The following PLCB1 variants were observed in gnomAD, a reference collection of about 807,000 sequenced individuals.
The protein encoded by PLCB1 is phospholipase C beta 1, also known as 1-phosphatidylinositol 4,5-bisphosphate phosphodiesterase beta-1.
PLCB1 carries 46 observed loss-of-function variants against 161.8 expected under a neutral mutation model. That is an observed-to-expected ratio of 0.28 (90% CI 0.22 to 0.36). PLCB1 has a LOEUF of 0.36. Among genes scored for constraint, PLCB1 ranks in the 10% least tolerant of loss-of-function variants. The probability of loss-of-function intolerance (pLI) is 1.00; values close to 1 mark genes in which losing one functional copy is unlikely to be tolerated. For synonymous variants in PLCB1, 517 were observed against 503.7 expected (o/e 1.03, Z -0.35); for missense variants, 1,016 against 1,472.5 (o/e 0.69, Z 5.07).
At chr20:8,539,653 T>TTTCTTTCC (rs1985212619) in intron 3 of PLCB1, among the ~76,000 whole-genome samples, 1 of 91,614 alleles carries the variant, frequency 1.1e-5, no homozygotes, top group African/African-American at 4.7e-5. Flanking sequence ...TCTTTCTTTC[T>TTTCTTTCC]TTCTTTCTTT....
chr20:8,197,640 C>T (rs2052039931), intron 2 of PLCB1, among the ~76,000 whole-genome samples: 1 of 152,106 alleles, frequency 6.6e-6, no homozygotes, highest in Non-Finnish European at 1.5e-5. Flanking sequence ...GTTTCTTTTG[C>T]TGTGCAGAAA....
chr20:8,446,824 C>T (rs6055823), intron 3 of PLCB1, among the ~76,000 whole-genome samples: 3,065 of 152,010 alleles, frequency 0.02, 108 homozygotes, highest in African/African-American at 0.07. Context: ...TGATGACTTA[C>T]TTTTTTTTCT....
In PLCB1 at chr20:8,302,430, G is replaced by A. The variant is rs984963150; in HGVS notation, c.178-68952G>A. 3.3e-5 allele frequency among the ~76,000 whole-genome samples: 5 copies of A among 152,210 alleles called. No homozygotes were observed. In the South Asian group the frequency reaches 1.0e-3, roughly 32 times the overall value. ...ACTTGATAATGTGGCCCAAATAGGG[G>A]GCCAATTTCATTCTGCTATGAGTCC... On this transcript the variant is annotated intron_variant, in intron 2 of 31. Coordinates refer to ENST00000338037, the MANE Select transcript of PLCB1 (RefSeq NM_015192.4).
chr20:8,233,921 C>G (rs1980193865), intron 2 of PLCB1, among the ~76,000 whole-genome samples: 1 of 152,184 alleles, frequency 6.6e-6, no homozygotes, highest in Non-Finnish European at 1.5e-5. Flanking sequence ...GATTGTAATC[C>G]TCATTGCTGT....
chr20:8,197,942 T>G (rs371423193), intron 2 of PLCB1, among the ~76,000 whole-genome samples: 1 of 152,330 alleles, frequency 6.6e-6, no homozygotes, highest in South Asian at 2.1e-4. Context: ...CTTGTTTTTG[T>G]CAGGTTTGTC....
chr20:8,385,133 A>C (rs545886559), intron 3 of PLCB1, among the ~76,000 whole-genome samples: 1 of 152,314 alleles, frequency 6.6e-6, no homozygotes, highest in South Asian at 2.1e-4. Context: ...CCAGGATGAA[A>C]GGCTAAGTCT....
At chr20:8,609,496 C>T (rs113147943) in intron 3 of PLCB1, among the ~76,000 whole-genome samples, 2,942 of 152,274 alleles carry the variant, frequency 0.019, 33 homozygotes, top group South Asian at 0.044. Flanking sequence ...CTGGCTCCAA[C>T]GCATCTATCT....
chr20:8,773,623 G>A (rs972862446), intron 26 of PLCB1, among the ~76,000 whole-genome samples: 1 of 152,164 alleles, frequency 6.6e-6, no homozygotes, highest in Non-Finnish European at 1.5e-5. Context: ...AGATATCAGT[G>A]AAGTTGGTGA....
chr20:8,781,679 G>A lies in PLCB1; in HGVS notation c.3112-6770G>A, dbSNP rs769112922. Among the ~76,000 whole-genome samples, 4 of 152,162 alleles carry A rather than the reference G, an allele frequency of 2.6e-5. No individual in the cohort carries two copies. In the South Asian group the frequency reaches 8.3e-4, roughly 31 times the overall value. ...GGGCAATTTATACCCAAACTGTGAG[G>A]TTTAATTGAACTCATAGTTTCACAT... On this transcript the variant is annotated intron_variant, in intron 27 of 31. Transcript: ENST00000338037.
chr20:8,480,989 A>T (rs6055847), intron 3 of PLCB1, among the ~76,000 whole-genome samples: 35,063 of 151,784 alleles, frequency 0.23, 4,820 homozygotes, highest in African/African-American at 0.38. Context: ...CTGTAGTCCC[A>T]CGTACTGGGG....
At chr20:8,655,131 ACTC>A (rs796923883) in intron 7 of PLCB1, among the ~76,000 whole-genome samples, 18 of 151,886 alleles carry the variant, frequency 1.2e-4, no homozygotes, top group African/African-American at 4.1e-4. Flanking sequence ...CTTTAATTTG[ACTC>A]CTCCTAATTC....
At chr20:8,235,566 C>G (rs1729103541) in intron 2 of PLCB1, among the ~76,000 whole-genome samples, 1 of 152,022 alleles carries the variant, frequency 6.6e-6, no homozygotes, top group Admixed American at 6.6e-5. Context: ...ATGATAGTAA[C>G]ATTCTTGAGC....
chr20:8,497,123 G>A (rs1395043295), intron 3 of PLCB1, among the ~76,000 whole-genome samples: 1 of 152,058 alleles, frequency 6.6e-6, no homozygotes, highest in Non-Finnish European at 1.5e-5. Context: ...ATGCTCTAAT[G>A]AATTCAATTG....
chr20:8,279,498 G>A (rs1365803859), intron 2 of PLCB1, among the ~76,000 whole-genome samples: 1 of 152,166 alleles, frequency 6.6e-6, no homozygotes, highest in Admixed American at 6.5e-5. Flanking sequence ...GTTTCTGTAT[G>A]GGATGATGAA....
At chr20:8,668,341 TGCC>T (rs1989864993) in intron 9 of PLCB1, among the ~76,000 whole-genome samples, 1 of 152,174 alleles carries the variant, frequency 6.6e-6, no homozygotes, top group Non-Finnish European at 1.5e-5. Context: ...GTCTCTAGGA[TGCC>T]AGCTGTGACA....
intron 2 of PLCB1, among the ~76,000 whole-genome samples, chr20:8,171,677 G>A (rs2051734386): frequency 6.6e-6 from 1 of 152,120 alleles, no homozygotes; most frequent in Admixed American, 6.6e-5. Context: ...GCTTATGTTG[G>A]AAGCACTAGG....
intron 19 of PLCB1, among the ~76,000 whole-genome samples, chr20:8,736,135 C>G (rs1042204809): frequency 6.6e-6 from 1 of 152,186 alleles, no homozygotes; most frequent in Admixed American, 6.5e-5. Flanking sequence ...AACCCAGATT[C>G]ACCAGGTTTG....
At chr20:8,279,072 C>A (rs1002899231) in intron 2 of PLCB1, among the ~76,000 whole-genome samples, 13 of 151,768 alleles carry the variant, frequency 8.6e-5, no homozygotes, top group Admixed American at 5.3e-4. Flanking sequence ...TAAAATGGTC[C>A]AGCTGCTGTG....
At chr20:8,763,225 G>A (rs556905039) in intron 25 of PLCB1, among the ~76,000 whole-genome samples, 23 of 152,092 alleles carry the variant, frequency 1.5e-4, no homozygotes, top group Admixed American at 6.5e-4. Context: ...GTTTTGAGAC[G>A]GAGTCTCACC....
Sources: gnomAD v4.1 joint callset for allele counts (sites outside exome capture counted in the v4.1 genomes callset) on GRCh38, gnomAD v4.1.1 for gene constraint, MANE v1.5 for transcripts, NCBI Gene and HGNC (gene_info 2026-07-23, HGNC 2026-07-21) for gene names.